The following SSR1 variants were observed in gnomAD, a reference collection of about 807,000 sequenced individuals.
SSR1 encodes signal sequence receptor subunit 1, also known as translocon-associated protein subunit alpha.
SSR1 carries 13 observed loss-of-function variants against 36.1 expected under a neutral mutation model. The ratio of observed to expected loss-of-function variants is 0.36; its 90% CI spans 0.23 to 0.57. SSR1 has a LOEUF of 0.57. SSR1 is among the 20% of genes least tolerant of loss of function. The pLI is 0.81. For missense variants in SSR1, 291 were observed against 338.5 expected (o/e 0.86, Z 1.10); for synonymous variants, 113 against 118.9 (o/e 0.95, Z 0.32).
chr6:7,302,431 C>A (rs1237714365), intron 3 of SSR1, among the ~76,000 whole-genome samples: 1 of 152,110 alleles, frequency 6.6e-6, no homozygotes, highest in Non-Finnish European at 1.5e-5. Flanking sequence ...GAGAATATAG[C>A]CCTCAATAAA....
intron 7 of SSR1, among the ~76,000 whole-genome samples, chr6:7,292,898 T>C (rs1475569835): frequency 2.4e-5 from 3 of 126,380 alleles, no homozygotes; most frequent in African/African-American, 7.5e-5. Context: ...ATATGACAGC[T>C]AGCTCACAGA....
intron 4 of SSR1, 113 bp downstream of exon 4, chr6:7,301,197 C>T: frequency 7.6e-7 from 1 of 1,312,904 alleles, no homozygotes; most frequent in East Asian, 2.4e-5. Context: ...TGGTGGCTAT[C>T]ACAGGTTCAA....
chr6:7,297,123 G>A, intron 6 of SSR1: 1 of 350,818 alleles, frequency 2.9e-6, no homozygotes, highest in Non-Finnish European at 5.7e-6. Flanking sequence ...AGGAAGCTGA[G>A]GTGGGAGGAT....
At chr6:7,307,584 C>T (rs2842369) in intron 2 of SSR1, among the ~76,000 whole-genome samples, 40,082 of 152,114 alleles carry the variant, frequency 0.26, 5,351 homozygotes, top group South Asian at 0.4. Flanking sequence ...CTCTATCACC[C>T]AGGCTGGAGT....
At chr6:7,309,717 TGAA>T (rs1206686676) in intron 2 of SSR1, among the ~76,000 whole-genome samples, 197 bp downstream of exon 2, 2 of 152,200 alleles carry the variant, frequency 1.3e-5, no homozygotes, top group African/African-American at 4.8e-5. Flanking sequence ...TGTCACCTTG[TGAA>T]GAAGGACATG....
chr6:7,289,547 C>A lies in SSR1; in HGVS notation c.*317G>T. 1 of 298,358 alleles carries A rather than the reference C, an allele frequency of 3.4e-6. No individual in the cohort carries two copies. Among genetic ancestry groups the A allele is most frequent in the Non-Finnish European group, 6.1e-6 (1 of 162,716 alleles). 18.5% of individuals were successfully genotyped at this position (298,358 alleles called of 1,614,324 possible). A position where few individuals can be genotyped will look rare whatever the true frequency, so the allele number is the denominator to read the frequency against. On this transcript the variant is annotated 3_prime_UTR_variant, in exon 8 of 8. Transcript: ENST00000244763. ...TCAGAAAATGTCAAAAAGGAAGAGA[C>A]AACAGCATTATATTTAGTATTCTAA...
rs1757603357 is a variant in SSR1, at chr6:7,288,390, C to T, written c.*1474G>A. 6.6e-6 allele frequency: 1 copy of T among 152,154 alleles called. No homozygotes were observed. Among genetic ancestry groups the T allele is most frequent in the African/African-American group, 2.4e-5 (1 of 41,440 alleles). 9.4% of individuals were successfully genotyped at this position (152,154 alleles called of 1,614,324 possible). On this transcript the variant is annotated 3_prime_UTR_variant, in exon 8 of 8. Transcript: ENST00000244763. ...GCCAATATAGGTAATTTGATAGCCC[C>T]TATTTGCAAAGTGATTAACAATTAT...
chr6:7,306,028 G>A (rs975590135), intron 2 of SSR1, among the ~76,000 whole-genome samples: 2 of 152,220 alleles, frequency 1.3e-5, no homozygotes, highest in Non-Finnish European at 2.9e-5. Context: ...CTTGCCTACA[G>A]GGAGATGACT....
chr6:7,294,792 T>C (rs1581629038), intron 7 of SSR1, among the ~76,000 whole-genome samples: 1 of 152,226 alleles, frequency 6.6e-6, no homozygotes, highest in South Asian at 2.1e-4. Flanking sequence ...TGAGGCTGCA[T>C]TGGTTTTATA....
At position 7,303,609 on chromosome 6, in the gene SSR1, G is replaced by A. The variant is rs532811037; in HGVS notation, c.221C>T (p.Ser74Phe). ...LVEDKEEEDV[S>F]GEPEASPSAD... ...ACTCGGTGAAGCTTCAGGTTCACCA[G>A]ACACATCTTCTTCCTCTTTATCTTC... The change falls in exon 3 of 8, where the codon TCT becomes TTT. Residue 74 changes from serine to phenylalanine, a missense_variant. Coordinates refer to ENST00000244763, the MANE Select transcript of SSR1 (RefSeq NM_003144.5). 5 of 1,613,314 alleles carry A rather than the reference G, an allele frequency of 3.1e-6. No individual in the cohort carries two copies. In the South Asian group the frequency reaches 5.5e-5, roughly 18 times the overall value.
intron 4 of SSR1, among the ~76,000 whole-genome samples, chr6:7,300,212 T>G (rs1757903379): frequency 6.6e-6 from 1 of 152,140 alleles, no homozygotes; most frequent in Non-Finnish European, 1.5e-5. Flanking sequence ...GCACTAGAAA[T>G]TTAACTCAGA....
At position 7,313,152 on chromosome 6, in the gene SSR1, G is replaced by T. The variant is rs1222467076; in HGVS notation, c.-32C>A. Reference sequence around the variant, plus strand: ...GCCGGTCCAGTGTCCAGTTTCCGTCGGCTAAGGCTCTCGGCGGCTCCGGCG... The same window carrying T: ...GCCGGTCCAGTGTCCAGTTTCCGTCTGCTAAGGCTCTCGGCGGCTCCGGCG... On this transcript the variant is annotated 5_prime_UTR_variant, in exon 1 of 8. Transcript: ENST00000244763. 3 of 1,580,936 alleles carry T rather than the reference G, an allele frequency of 1.9e-6. No individual in the cohort carries two copies.
intron 7 of SSR1, among the ~76,000 whole-genome samples, chr6:7,292,451 C>A (rs183818264): frequency 6.6e-6 from 1 of 152,330 alleles, no homozygotes; most frequent in East Asian, 1.9e-4. Flanking sequence ...TGCTTAGGCC[C>A]CAGTGACTTC....
At chr6:7,291,280 C>A (rs9392873) in intron 7 of SSR1, among the ~76,000 whole-genome samples, 8 of 152,030 alleles carry the variant, frequency 5.3e-5, no homozygotes, top group Non-Finnish European at 1.0e-4. Context: ...CGCCTGTGAT[C>A]TCAGCTACTT....
intron 1 of SSR1, among the ~76,000 whole-genome samples, chr6:7,310,641 T>C (rs956639164): frequency 8.5e-5 from 13 of 152,328 alleles, no homozygotes; most frequent in African/African-American, 3.1e-4. Flanking sequence ...GCCGGCGCGG[T>C]GGCTCACGCC....
chr6:7,306,577 G>A (rs1262753655), intron 2 of SSR1, among the ~76,000 whole-genome samples: 4 of 152,032 alleles, frequency 2.6e-5, no homozygotes, highest in African/African-American at 4.8e-5. Flanking sequence ...GTTCCATTGC[G>A]ACCCAGTTTT....
chr6:7,308,530 T>C (rs114279484), intron 2 of SSR1, among the ~76,000 whole-genome samples: 1,554 of 152,302 alleles, frequency 0.01, 28 homozygotes, highest in African/African-American at 0.034. Flanking sequence ...GGATGGATTA[T>C]AGTCGTTCCA....
chr6:7,305,571 C>T (rs915900194), intron 2 of SSR1, among the ~76,000 whole-genome samples: 7 of 152,140 alleles, frequency 4.6e-5, no homozygotes, highest in Non-Finnish European at 8.8e-5. Flanking sequence ...TTAACAGAAT[C>T]AAATCACTGA....
At position 7,281,613 on chromosome 6, in the gene SSR1, T is replaced by C. The variant is rs536485075; in HGVS notation, c.*8251A>G. On this transcript the variant is annotated 3_prime_UTR_variant, in exon 8 of 8. Coordinates refer to ENST00000244763, the MANE Select transcript of SSR1 (RefSeq NM_003144.5). ...TTCTCTGAGTTGTTAGATTTCAAAG[T>C]GAAGAGAACTGAAATCTCTTTTTAT... 99 of 152,348 alleles carry C rather than the reference T, an allele frequency of 6.5e-4. No individual in the cohort carries two copies. The highest frequency in any genetic ancestry group is 2.2e-3 in the African/African-American group (92 of 41,580). The allele number at this position is 152,348 out of a possible 1,614,324, so 9.4% of individuals were successfully genotyped here.
Sources: gnomAD v4.1 joint callset for allele counts (sites outside exome capture counted in the v4.1 genomes callset) on GRCh38, gnomAD v4.1.1 for gene constraint, MANE v1.5 for transcripts, NCBI Gene and HGNC (gene_info 2026-07-23, HGNC 2026-07-21) for gene names.